The following ANKRD18B variants were observed in gnomAD, a reference collection of about 807,000 sequenced individuals.
ANKRD18B encodes the protein ankyrin repeat domain-containing protein 18B.
ANKRD18B carries 75 observed loss-of-function variants against 111.8 expected under a neutral mutation model. The ratio of observed to expected loss-of-function variants is 0.67; its 90% CI spans 0.56 to 0.81. The LOEUF is 0.81. Ranked by LOEUF, ANKRD18B falls within the 40% of genes least tolerant of loss-of-function variation. The probability of loss-of-function intolerance (pLI) is 0.00; values close to 1 mark genes in which losing one functional copy is unlikely to be tolerated. For synonymous variants in ANKRD18B, 356 were observed against 417.3 expected (o/e 0.85, Z 1.79); for missense variants, 1,038 against 1,225.5 (o/e 0.85, Z 2.28).
intron 12 of ANKRD18B, among the ~76,000 whole-genome samples, chr9:33,554,412 A>C (rs1420435573): frequency 6.6e-6 from 1 of 152,208 alleles, no homozygotes; most frequent in Non-Finnish European, 1.5e-5. Flanking sequence ...TGTGTACTAG[A>C]GGGAAGAGTC....
intron 11 of ANKRD18B, 51 bp downstream of exon 11, chr9:33,548,906 A>T (rs1478110156): frequency 7.2e-7 from 1 of 1,393,514 alleles, no homozygotes; most frequent in African/African-American, 1.5e-5. Flanking sequence ...TAAACATTTC[A>T]TTGTGGCTAT....
At chr9:33,559,420 C>A (rs1034120999) in intron 14 of ANKRD18B, among the ~76,000 whole-genome samples, 1 of 152,128 alleles carries the variant, frequency 6.6e-6, no homozygotes, top group African/African-American at 2.4e-5. Flanking sequence ...TCAGCTTCTT[C>A]TCTCTGTGAT....
Position 33,528,716 on chromosome 9 carries a change from C to G in ANKRD18B, c.207-11C>G, listed in dbSNP as rs754819639. ...CACTACATTTCCTGAAAACCCCTCTCGCTCTCCTAGGACTGTTCTACATTT... is the reference window on the plus strand; with the variant it reads ...CACTACATTTCCTGAAAACCCCTCTGGCTCTCCTAGGACTGTTCTACATTT... On this transcript the variant is annotated splice_polypyrimidine_tract_variant and intron_variant, in intron 1 of 18. Transcript: ENST00000684830. 6 of 1,574,636 alleles carry G rather than the reference C, an allele frequency of 3.8e-6. No individual in the cohort carries two copies. Among genetic ancestry groups the G allele is most frequent in the Non-Finnish European group, 5.2e-6 (6 of 1,161,038 alleles).
intron 9 of ANKRD18B, 110 bp downstream of exon 9, chr9:33,541,337 C>T (rs1828276623): frequency 1.8e-5 from 25 of 1,410,342 alleles, no homozygotes; most frequent in Non-Finnish European, 2.4e-5. Flanking sequence ...CCATGGAGTA[C>T]ATCAGTCTAT....
Position 33,550,586 on chromosome 9 carries a change from A to G in ANKRD18B, c.2217+7A>G, listed in dbSNP as rs763782325. Reference sequence around the variant, plus strand: ...ATTTCAAGTAGAAATTCAAGTATGTATGGAATTTAACATGTAGACAGTTAA... The same window carrying G: ...ATTTCAAGTAGAAATTCAAGTATGTGTGGAATTTAACATGTAGACAGTTAA... On this transcript the variant is annotated splice_region_variant and intron_variant, in intron 12 of 18. Transcript: ENST00000684830. 1.4e-5 allele frequency: 21 copies of G among 1,531,762 alleles called. No homozygotes were observed. The highest frequency in any genetic ancestry group is 1.3e-4 in the South Asian group (10 of 78,536). The allele number at this position is 1,531,762 out of a possible 1,614,324, so 94.9% of individuals were successfully genotyped here.
intron 14 of ANKRD18B, 76 bp from the exon 15 acceptor site, chr9:33,566,143 A>T: frequency 7.6e-7 from 1 of 1,316,648 alleles, no homozygotes; most frequent in Non-Finnish European, 1.0e-6. Context: ...GATGCATTTC[A>T]AAATTTGCTA....
chr9:33,537,183 G>A (rs1372108580), intron 6 of ANKRD18B, among the ~76,000 whole-genome samples: 1 of 151,728 alleles, frequency 6.6e-6, no homozygotes, highest in Non-Finnish European at 1.5e-5. Context: ...TGTAATCCCA[G>A]CTACTCGGGA....
intron 14 of ANKRD18B, among the ~76,000 whole-genome samples, chr9:33,562,707 G>A (rs1473208771): frequency 6.6e-6 from 1 of 152,196 alleles, no homozygotes; most frequent in Non-Finnish European, 1.5e-5. Context: ...CAAACGTGAA[G>A]TAAGGTAAAG....
At chr9:33,559,039 T>C (rs982150117) in intron 14 of ANKRD18B, among the ~76,000 whole-genome samples, 7 of 152,154 alleles carry the variant, frequency 4.6e-5, no homozygotes, top group African/African-American at 1.4e-4. Flanking sequence ...TCAGTGACAA[T>C]TGATAAACAA....
intron 1 of ANKRD18B, among the ~76,000 whole-genome samples, 158 bp downstream of exon 1, chr9:33,524,853 G>A (rs1211825352): frequency 6.6e-6 from 1 of 152,256 alleles, no homozygotes; most frequent in East Asian, 1.9e-4. Context: ...CGCCTGTAGC[G>A]CTTGGTGGAT....
chr9:33,549,758 T>C (rs1828419693), intron 11 of ANKRD18B, among the ~76,000 whole-genome samples: 1 of 152,184 alleles, frequency 6.6e-6, no homozygotes, highest in African/African-American at 2.4e-5. Context: ...AAAATCACAA[T>C]TTGGAATAAA....
Position 33,533,710 on chromosome 9 carries a change from T to C in ANKRD18B, c.602+165T>C, listed in dbSNP as rs1587258741. The C allele has an allele frequency of 5.2e-6, 7 of 1,340,028 alleles. No individual in the cohort carries two copies. The East Asian group carries it at 2.0e-4, about 38-fold the overall frequency. 83.0% of individuals were successfully genotyped at this position (1,340,028 alleles called of 1,614,324 possible). On this transcript the variant is annotated intron_variant, in intron 4 of 18. Transcript: ENST00000684830. ...CAGGTAGAAAAGAAGTTATTTGGAC[T>C]AAGCAACATAAAAAACAGTATATAG...
At chr9:33,551,962 G>T (rs1240909104) in intron 12 of ANKRD18B, among the ~76,000 whole-genome samples, 1 of 152,126 alleles carries the variant, frequency 6.6e-6, no homozygotes, top group Non-Finnish European at 1.5e-5. Flanking sequence ...GAACAACTTA[G>T]CCCTTAATTT....
intron 12 of ANKRD18B, among the ~76,000 whole-genome samples, chr9:33,553,323 A>G (rs959320407): frequency 2.0e-5 from 3 of 152,052 alleles, no homozygotes; most frequent in Non-Finnish European, 2.9e-5. Flanking sequence ...AGCGGTGATC[A>G]AGCCACTGCA....
intron 9 of ANKRD18B, 114 bp downstream of exon 9, chr9:33,541,341 A>G (rs1828276737): frequency 7.2e-7 from 1 of 1,396,096 alleles, no homozygotes; most frequent in African/African-American, 1.5e-5. Flanking sequence ...GGAGTACATC[A>G]GTCTATTACA....
rs780175253 is a variant in ANKRD18B at position 33,529,119 on chromosome 9, T to A, written c.441T>A (p.Thr147=). The A allele has an allele frequency of 3.7e-6, 6 of 1,611,862 alleles. No homozygotes were observed. The highest frequency in any genetic ancestry group is 5.1e-6 in the Non-Finnish European group (6 of 1,179,852). The change falls in exon 3 of 19, where the codon ACT becomes ACA. Residue 147 remains threonine (T), a synonymous_variant. Transcript: ENST00000684830. ...ALHYAVYNEG[T]SLAERLLSHH... Reference sequence around the variant, plus strand: ...ATTATGCCGTGTATAATGAGGGGACTTCACTGGCAGAAAGACTGCTTTCCC... The same window carrying A: ...ATTATGCCGTGTATAATGAGGGGACATCACTGGCAGAAAGACTGCTTTCCC...
intron 8 of ANKRD18B, 42 bp from the exon 9 acceptor site, chr9:33,541,105 G>A: frequency 1.3e-6 from 2 of 1,536,560 alleles, no homozygotes; most frequent in Non-Finnish European, 1.7e-6. Context: ...GAGGGATGAT[G>A]TTTTCCAGAA....
intron 15 of ANKRD18B, among the ~76,000 whole-genome samples, chr9:33,566,733 G>A (rs1379007860): frequency 6.6e-6 from 1 of 152,038 alleles, no homozygotes; most frequent in Admixed American, 6.6e-5. Context: ...GTAAAAGGGG[G>A]AATTTGATGA....
chr9:33,541,441 G>A (rs536604469), intron 9 of ANKRD18B, among the ~76,000 whole-genome samples: 1 of 152,274 alleles, frequency 6.6e-6, no homozygotes, highest in Admixed American at 6.5e-5. Flanking sequence ...GGTGGCTCCT[G>A]CCTGTAATGA....
Sources: gnomAD v4.1 joint callset for allele counts (sites outside exome capture counted in the v4.1 genomes callset) on GRCh38, gnomAD v4.1.1 for gene constraint, MANE v1.5 for transcripts, NCBI Gene and HGNC (gene_info 2026-07-23, HGNC 2026-07-21) for gene names.